Variants in CELF2 observed in about 807,000 individuals in gnomAD.
CELF2 encodes CUGBP Elav-like family member 2.
CELF2 carries 8 observed loss-of-function variants against 62.6 expected under a neutral mutation model. That is an observed-to-expected ratio of 0.13 (90% CI 0.07 to 0.23). The LOEUF is 0.23. Among genes scored for constraint, CELF2 ranks in the 10% least tolerant of loss-of-function variants. The pLI is 1.00. For synonymous variants in CELF2, 258 were observed against 250.0 expected, an observed-to-expected ratio of 1.03 and a Z score of -0.30; for missense variants, 333 against 671.0, an observed-to-expected ratio of 0.50 and a Z score of 5.56.
chr10:11,005,290 G>GAGAA (rs1168888595), upstream of CELF2: 39 of 1,585,120 alleles, frequency 2.5e-5, no homozygotes, highest in Admixed American at 6.3e-4. The surrounding 1 kb of genome is among the most constrained non-coding windows in gnomAD (Gnocchi z 4.3). Context: ...GAGAGAGAGA[G>GAGAA]AGAGGGAGGA....
rs932526373 is a variant in CELF2 at position 11,080,283 on chromosome 10, A to G, written c.74+62120A>G. 2.0e-5 allele frequency among the ~76,000 whole-genome samples: 3 copies of G among 152,180 alleles called. No homozygotes were observed. In the East Asian group the frequency reaches 5.8e-4, roughly 29 times the overall value. Reference sequence around the variant, plus strand: ...TTCCCCTTGCTTTTTCTTTGTTTAAATGAGCTGTATTTTTACAAGTCTTTT... The same window carrying G: ...TTCCCCTTGCTTTTTCTTTGTTTAAGTGAGCTGTATTTTTACAAGTCTTTT... On this transcript the variant is annotated intron_variant, in intron 1 of 12. Transcript: ENST00000633077.
At chr10:10,903,556 G>A (rs2063102681) in intron 1 of CELF2, among the ~76,000 whole-genome samples, 2 of 152,186 alleles carry the variant, frequency 1.3e-5, no homozygotes, top group East Asian at 1.9e-4. Flanking sequence ...CTTCTATAGG[G>A]AGTCTAAAGA....
chr10:10,645,396 T>C, the CELF2 span, among the ~76,000 whole-genome samples: 2 of 152,170 alleles, frequency 1.3e-5, no homozygotes, highest in Non-Finnish European at 2.9e-5. Context: ...TTCATGCCTA[T>C]AATCCCAGCA....
chr10:10,712,081 C>T, the CELF2 span, among the ~76,000 whole-genome samples: 1 of 133,868 alleles, frequency 7.5e-6, no homozygotes, highest in South Asian at 2.4e-4. Flanking sequence ...TTCCTCATCT[C>T]AGAAGATTTA....
At chr10:10,964,385 T>C (rs1443949579) in intron 2 of CELF2, among the ~76,000 whole-genome samples, 1 of 152,228 alleles carries the variant, frequency 6.6e-6, no homozygotes, top group Non-Finnish European at 1.5e-5. Context: ...TGAAGGTGTT[T>C]TAACACTTTT....
intron 1 of CELF2, among the ~76,000 whole-genome samples, chr10:11,069,788 C>T (rs979661655): frequency 2.6e-5 from 4 of 152,198 alleles, no homozygotes; most frequent in African/African-American, 9.6e-5. Flanking sequence ...GCTGTCCTTT[C>T]ATCAGCAAAA....
chr10:11,045,119 C>T (rs1013502642), intron 1 of CELF2, among the ~76,000 whole-genome samples: 8 of 152,210 alleles, frequency 5.3e-5, no homozygotes, highest in East Asian at 3.9e-4. Flanking sequence ...ACTTGTGTTC[C>T]GCAGTCAGGA....
chr10:11,272,841 C>A (rs1028755452), intron 7 of CELF2, among the ~76,000 whole-genome samples: 1 of 152,162 alleles, frequency 6.6e-6, no homozygotes, highest in East Asian at 1.9e-4. Context: ...TAATGACACT[C>A]CAGGTATTTC....
At chr10:10,611,608 C>T in the CELF2 span, among the ~76,000 whole-genome samples, 1 of 152,152 alleles carries the variant, frequency 6.6e-6, no homozygotes, top group Non-Finnish European at 1.5e-5. Context: ...TGAAAACACC[C>T]TTCCCCAAAA....
chr10:10,787,197 A>G, the CELF2 span, among the ~76,000 whole-genome samples: 1 of 150,974 alleles, frequency 6.6e-6, no homozygotes, highest in African/African-American at 2.4e-5. Flanking sequence ...TTAATGCTTC[A>G]GTGGGAAGAA....
the CELF2 span, among the ~76,000 whole-genome samples, chr10:10,770,329 C>CTCAATCAA: frequency 6.6e-6 from 1 of 151,954 alleles, no homozygotes; most frequent in Non-Finnish European, 1.5e-5. Context: ...GAGACTCCAT[C>CTCAATCAA]TCAATCAATC....
intron 1 of CELF2, among the ~76,000 whole-genome samples, chr10:11,063,270 C>T (rs987307979): frequency 6.6e-6 from 1 of 152,130 alleles, no homozygotes; most frequent in African/African-American, 2.4e-5. Flanking sequence ...ATGGCACATA[C>T]AGAAGGGGGC....
intron 1 of CELF2, among the ~76,000 whole-genome samples, chr10:11,066,937 G>A (rs1240720336): frequency 6.6e-6 from 1 of 152,094 alleles, no homozygotes; most frequent in African/African-American, 2.4e-5. Context: ...GCACAGTCAG[G>A]GTGAGACTGT....
chr10:10,930,543 A>G (rs2065953746), intron 2 of CELF2, among the ~76,000 whole-genome samples: 1 of 152,192 alleles, frequency 6.6e-6, no homozygotes, highest in Non-Finnish European at 1.5e-5. Flanking sequence ...AACTTCTTTA[A>G]GATAAAGCCT....
the CELF2 span, among the ~76,000 whole-genome samples, chr10:10,472,185 T>G: frequency 6.6e-6 from 1 of 151,830 alleles, no homozygotes; most frequent in African/African-American, 2.4e-5. Flanking sequence ...CAAAATATTT[T>G]CATGCTTGTT....
intron 1 of CELF2, among the ~76,000 whole-genome samples, chr10:10,836,398 G>T (rs1477064338): frequency 6.6e-6 from 1 of 152,178 alleles, no homozygotes; most frequent in Non-Finnish European, 1.5e-5. Context: ...GTTAAATTCA[G>T]CTGAGAAACT....
At chr10:11,028,115 C>G (rs1394060032) in intron 1 of CELF2, among the ~76,000 whole-genome samples, 3 of 152,190 alleles carry the variant, frequency 2.0e-5, no homozygotes, top group Non-Finnish European at 4.4e-5. Flanking sequence ...GTCCCTAGGA[C>G]AACATCATGA....
chr10:10,703,860 C>T, the CELF2 span, among the ~76,000 whole-genome samples: 2 of 152,154 alleles, frequency 1.3e-5, no homozygotes, highest in Non-Finnish European at 2.9e-5. Flanking sequence ...CTCGAAGGTA[C>T]GATCACAGAA....
At chr10:10,948,100 A>G (rs1302341246) in intron 2 of CELF2, among the ~76,000 whole-genome samples, 1 of 152,202 alleles carries the variant, frequency 6.6e-6, no homozygotes, top group Non-Finnish European at 1.5e-5. Context: ...ATCAGATCAT[A>G]CAGCTGGAAA....
Sources: allele counts gnomAD v4.1 joint callset (sites outside exome capture counted in the v4.1 genomes callset), GRCh38; gene constraint gnomAD v4.1.1; non-coding constraint Gnocchi (gnomAD v3.1); transcripts MANE v1.5; gene names NCBI Gene and HGNC (gene_info 2026-07-23, HGNC 2026-07-21).